The following TMEM25 variants were observed in gnomAD, a reference collection of about 807,000 sequenced individuals.
TMEM25 encodes the protein 0610039J01Rik.
A neutral mutation model predicts 37.0 loss-of-function variants in TMEM25; 36 were observed. That is an observed-to-expected ratio of 0.97 (90% CI 0.75 to 1.28). The LOEUF (loss-of-function observed/expected upper bound fraction) is 1.28, where lower values mean the gene tolerates loss of function less well. TMEM25 is among the 50% of genes most tolerant of loss of function. The pLI is 0.00. For synonymous variants in TMEM25, 197 were observed against 203.7 expected, an observed-to-expected ratio of 0.97 and a Z score of 0.28; for missense variants, 444 against 477.9, an observed-to-expected ratio of 0.93 and a Z score of 0.66.
Position 118,534,598 on chromosome 11 carries a change from A to C in TMEM25, c.*18A>C. On this transcript the variant is annotated 3_prime_UTR_variant, in exon 9 of 9. Transcript: ENST00000313236. The surrounding 1 kb of genome is among the most constrained non-coding windows in gnomAD (Gnocchi z 4.6). ...GGCTCTGAGCCGAGGGCGAGACAGGAGTATTCTCTTGGCCTCTGGACACCC... is the reference window on the plus strand; with the variant it reads ...GGCTCTGAGCCGAGGGCGAGACAGGCGTATTCTCTTGGCCTCTGGACACCC... The C allele has an allele frequency of 6.2e-7, 1 of 1,613,738 alleles. No individual in the cohort carries two copies. The highest frequency in any genetic ancestry group is 1.3e-5 in the African/African-American group (1 of 75,042).
At chr11:118,542,880 T>A (rs1951597238) in intron 8 of TMEM25, among the ~76,000 whole-genome samples, 1 of 151,052 alleles carries the variant, frequency 6.6e-6, no homozygotes. Context: ...ACCACTGCAC[T>A]CCAGCCTCGG....
At chr11:118,545,152 G>A (rs1288520803) in intron 8 of TMEM25, 10 of 723,286 alleles carry the variant, frequency 1.4e-5, no homozygotes, top group Middle Eastern at 3.6e-4. Flanking sequence ...CTGAAAGAAC[G>A]AGTGTCCTCT....
chr11:118,544,850 G>T, intron 8 of TMEM25: 1 of 1,148,358 alleles, frequency 8.7e-7, no homozygotes, highest in Non-Finnish European at 1.3e-6. Context: ...AGCTGACAAC[G>T]ATCTGTCCAT....
chr11:118,531,918 C>A (rs150406105), intron 2 of TMEM25, 47 bp downstream of exon 2: 43,373 of 1,543,028 alleles, frequency 0.028, 746 homozygotes, highest in Non-Finnish European at 0.035. Flanking sequence ...GGTTCCAAAG[C>A]CCCCTCTCTC....
At chr11:118,533,955 G>T in intron 6 of TMEM25, 68 bp downstream of exon 6, 1 of 1,613,948 alleles carries the variant, frequency 6.2e-7, no homozygotes, top group Non-Finnish European at 8.5e-7. Flanking sequence ...AGGGAGCCTG[G>T]GGTTTCTGGT....
downstream of TMEM25, among the ~76,000 whole-genome samples, chr11:118,538,889 C>CA (rs781943725): frequency 0.048 from 4,191 of 86,504 alleles, 183 homozygotes; most frequent in African/African-American, 0.14. Flanking sequence ...AAGGCCGTCT[C>CA]AAAAAAAAAA....
chr11:118,532,328 AG>A lies in TMEM25; in HGVS notation c.253del (p.Glu85ArgfsTer88). 6.2e-7 allele frequency: 1 copy of A among 1,612,408 alleles called. No individual in the cohort carries two copies. Among genetic ancestry groups the A allele is most frequent in the East Asian group, 2.2e-5 (1 of 44,792 alleles). On this transcript the variant is annotated frameshift_variant, in exon 3 of 9. Coordinates refer to ENST00000313236, the MANE Select transcript of TMEM25 (RefSeq NM_032780.4). LOFTEE classifies it high-confidence loss of function. ...ASTSRLLSVG[G>X]EAFSGGTSTF... is the part of the protein sequence containing the mutation. ...GCACCTCAAGACTGCTGAGCGTGGGAGGGGAGGCCTTCTCTGGAGGCACCAG... is the reference window on the plus strand; with the variant it reads ...GCACCTCAAGACTGCTGAGCGTGGGAGGGAGGCCTTCTCTGGAGGCACCAG...
intron 8 of TMEM25, chr11:118,544,915 C>A (rs149978137): frequency 6.2e-7 from 1 of 1,609,074 alleles, no homozygotes; most frequent in Admixed American, 1.7e-5. Context: ...TGGGAAGTGT[C>A]TCAGCTGAAG....
At chr11:118,531,902 C>G in intron 2 of TMEM25, 31 bp downstream of exon 2, 1 of 1,550,334 alleles carries the variant, frequency 6.5e-7, no homozygotes, top group Non-Finnish European at 8.7e-7. Context: ...TGACCAAGTC[C>G]TTCTGGGTTC....
chr11:118,532,820 G>A, intron 3 of TMEM25, 97 bp from the exon 4 acceptor site: 1 of 1,502,740 alleles, frequency 6.7e-7, no homozygotes, highest in Non-Finnish European at 8.9e-7. Context: ...CCTCTGAGGA[G>A]AGGCCCAGGC....
chr11:118,539,296 T>A (rs1363712084), downstream of TMEM25, among the ~76,000 whole-genome samples: 1 of 151,268 alleles, frequency 6.6e-6, no homozygotes, highest in Non-Finnish European at 1.5e-5. Context: ...ACCTCCCAAG[T>A]AGCTGGGGCT....
chr11:118,540,180 G>A (rs1029786307), downstream of TMEM25, among the ~76,000 whole-genome samples: 2 of 150,902 alleles, frequency 1.3e-5, no homozygotes, highest in East Asian at 4.0e-4. Flanking sequence ...CGCAATCTCG[G>A]CTCACTGCAA....
chr11:118,543,969 G>C (rs1951618492), intron 8 of TMEM25, among the ~76,000 whole-genome samples: 1 of 151,974 alleles, frequency 6.6e-6, no homozygotes, highest in Non-Finnish European at 1.5e-5. Context: ...AAAACACCCG[G>C]CTAACTTTTG....
At position 118,532,276 on chromosome 11, in the gene TMEM25, A is replaced by G. The variant is rs782282864; in HGVS notation, c.197A>G (p.Tyr66Cys). 9.3e-6 allele frequency: 15 copies of G among 1,614,154 alleles called. No homozygotes were observed. In the South Asian group the frequency reaches 1.5e-4, roughly 17 times the overall value. ...GGPGTPRLAW[Y>C]LDGQLQEAST... ...CCTGGCACCCCCAGATTGGCCTGGT[A>G]TCTGGATGGACAGCTGCAGGAGGCC... Residue 66 changes from tyrosine (Y) to cysteine (C), a missense_variant, in exon 3 of 9, where the codon TAT becomes TGT. Transcript: ENST00000313236.
downstream of TMEM25, among the ~76,000 whole-genome samples, chr11:118,539,660 G>A (rs1555064751): frequency 6.6e-6 from 1 of 152,070 alleles, no homozygotes; most frequent in African/African-American, 2.4e-5. Context: ...ACCATGTATT[G>A]TGGAGGGTGT....
chr11:118,545,648 C>A, intron 8 of TMEM25: 1 of 1,099,824 alleles, frequency 9.1e-7, no homozygotes. Context: ...CCAAACACCA[C>A]CTTTGAGTGC....
rs140014518 is a variant in TMEM25, at chr11:118,534,582, C to A, written c.*2C>A. On this transcript the variant is annotated 3_prime_UTR_variant, in exon 9 of 9. Transcript: ENST00000313236. This position sits in a 1 kb window ranked among gnomAD's most constrained non-coding sequence, Gnocchi z 4.6. ...AGCAGTGATGAGATCTGGCTCTGAG[C>A]CGAGGGCGAGACAGGAGTATTCTCT... The A allele has an allele frequency of 8.7e-5, 141 of 1,614,106 alleles. No individual in the cohort carries two copies. The African/African-American group carries it at 1.8e-3, about 20-fold the overall frequency.
downstream of TMEM25, among the ~76,000 whole-genome samples, chr11:118,540,146 G>A (rs1360440338): frequency 6.6e-6 from 1 of 151,674 alleles, no homozygotes; most frequent in Non-Finnish European, 1.5e-5. Context: ...GTCTCGCTCT[G>A]TTGCCCAGGC....
rs1951446638 is a variant in TMEM25, at chr11:118,534,475, C to A, written c.1028-32C>A. The A allele has an allele frequency of 6.2e-7, 1 of 1,613,806 alleles. No individual in the cohort carries two copies. Among genetic ancestry groups the A allele is most frequent in the Non-Finnish European group, 8.5e-7 (1 of 1,179,916 alleles). On this transcript the variant is annotated intron_variant, in intron 8 of 8. Coordinates refer to ENST00000313236, the MANE Select transcript of TMEM25 (RefSeq NM_032780.4). This position sits in a 1 kb window ranked among gnomAD's most constrained non-coding sequence, Gnocchi z 4.6. Reference sequence around the variant, plus strand: ...TCCAAATTCCAAGGAACAAGCGTTACTGAGTCCCCGCGGGCTTCTTTGATC... The same window carrying A: ...TCCAAATTCCAAGGAACAAGCGTTAATGAGTCCCCGCGGGCTTCTTTGATC...
Sources: allele counts gnomAD v4.1 joint callset (sites outside exome capture counted in the v4.1 genomes callset), GRCh38; gene constraint gnomAD v4.1.1; non-coding constraint Gnocchi (gnomAD v3.1); transcripts MANE v1.5; gene names NCBI Gene and HGNC (gene_info 2026-07-23, HGNC 2026-07-21).